The following NLGN4X variants were observed in gnomAD, a reference collection of about 807,000 sequenced individuals.
NLGN4X encodes the protein neuroligin-4, X-linked.
A neutral mutation model predicts 40.3 loss-of-function variants in NLGN4X; 3 were observed. The observed-to-expected ratio is 0.07, with a 90% CI of 0.03 to 0.19. The LOEUF is 0.19. Ranked by LOEUF, NLGN4X falls within the 10% of genes least tolerant of loss-of-function variation. The probability of loss-of-function intolerance (pLI) is 1.00; values close to 1 mark genes in which losing one functional copy is unlikely to be tolerated. For synonymous variants in NLGN4X, 270 were observed against 306.8 expected, an observed-to-expected ratio of 0.88 and a Z score of 1.25; for missense variants, 382 against 708.3, an observed-to-expected ratio of 0.54 and a Z score of 5.23.
At chrX:5,927,651 C>G (rs150668999) in intron 3 of NLGN4X, among the ~76,000 whole-genome samples, 1,840 of 112,109 alleles carry the variant, frequency 0.016, 47 homozygotes, top group African/African-American at 0.056. Context: ...TCTGCACAGG[C>G]ATTAGGACTC....
chrX:6,067,463 T>A (rs2037950504), intron 2 of NLGN4X, among the ~76,000 whole-genome samples: 2 of 111,216 alleles, frequency 1.8e-5, no homozygotes. Context: ...CACACAGACT[T>A]ATAATAAAGG....
At position 6,006,948 on chromosome X, in the gene NLGN4X, T is replaced by C. The variant is rs995803261; in HGVS notation, c.625+22332A>G. The stretch of plus-strand genomic sequence containing the variant: ...TTGGCCCAGCAATCCCACTTGTGGG[T>C]TTCTACTCAAAGGAAAAGAAATGGT... On this transcript the variant is annotated intron_variant, in intron 3 of 5. Transcript: ENST00000381095. Among the ~76,000 whole-genome samples the C allele has an allele frequency of 4.5e-5, 5 of 110,915 alleles. No homozygotes were observed. In the East Asian group the frequency reaches 1.4e-3, roughly 31 times the overall value.
intron 4 of NLGN4X, 53 bp from the exon 5 acceptor site, chrX:5,903,919 C>T (rs1303169501): frequency 8.5e-7 from 1 of 1,181,884 alleles, no homozygotes; most frequent in Non-Finnish European, 1.2e-6. Context: ...GACAGAAATG[C>T]AGCTTTTACT....
intron 3 of NLGN4X, among the ~76,000 whole-genome samples, chrX:5,947,525 G>A (rs769772330): frequency 9.8e-5 from 11 of 111,833 alleles, no homozygotes; most frequent in East Asian, 5.6e-4. Flanking sequence ...TGTCCAAGGC[G>A]TTCAAAGTCT....
chrX:6,013,843 C>CAA (rs1192510152), intron 3 of NLGN4X, among the ~76,000 whole-genome samples: 1 of 110,421 alleles, frequency 9.1e-6, no homozygotes, highest in African/African-American at 3.3e-5. Flanking sequence ...TCTGAGAGAG[C>CAA]AAAACCTCAT....
At chrX:6,154,004 T>C (rs1011070313) in intron 1 of NLGN4X, among the ~76,000 whole-genome samples, 28 of 112,498 alleles carry the variant, frequency 2.5e-4, no homozygotes, top group African/African-American at 8.7e-4. Flanking sequence ...TTGGCTAATT[T>C]GCACAAAATT....
chrX:6,103,814 T>A (rs2038975040), intron 2 of NLGN4X, among the ~76,000 whole-genome samples: 1 of 112,349 alleles, frequency 8.9e-6, no homozygotes, highest in Non-Finnish European at 1.9e-5. Context: ...ACATTAATAG[T>A]CACTAGTTCG....
intron 1 of NLGN4X, among the ~76,000 whole-genome samples, chrX:6,183,635 T>C (rs887271422): frequency 4.5e-5 from 5 of 112,247 alleles, no homozygotes; most frequent in East Asian, 2.8e-4. Context: ...AAAAACAAGA[T>C]GGCACTGCTG....
chrX:6,107,255 C>A (rs367917579), intron 2 of NLGN4X, among the ~76,000 whole-genome samples: 1 of 111,893 alleles, frequency 8.9e-6, no homozygotes, highest in African/African-American at 3.2e-5. Context: ...GCCAGCTTCA[C>A]GCAGGTGCAG....
chrX:5,946,775 A>C (rs949648270), intron 3 of NLGN4X, among the ~76,000 whole-genome samples: 2 of 110,770 alleles, frequency 1.8e-5, no homozygotes, highest in Non-Finnish European at 3.8e-5. Context: ...TTATTTCATG[A>C]CCCAGGTACT....
chrX:6,067,355 G>A (rs921492095), intron 2 of NLGN4X, among the ~76,000 whole-genome samples: 10 of 110,102 alleles, frequency 9.1e-5, no homozygotes, highest in Non-Finnish European at 1.3e-4. Flanking sequence ...CTCTTGCTTT[G>A]GTTTTTCTCT....
At position 6,085,356 on chromosome X, in the gene NLGN4X, G is replaced by T. The variant is rs894827579; in HGVS notation, c.473-55924C>A. ...GTAATCATTTTCTGGGTGATAAATC[G>T]TAGCTCCACACCATTGTCCTTCAGT... On this transcript the variant is annotated intron_variant, in intron 2 of 5. Coordinates refer to ENST00000381095, the MANE Select transcript of NLGN4X (RefSeq NM_181332.3). Among the ~76,000 whole-genome samples the T allele has an allele frequency of 6.3e-5, 7 of 111,596 alleles. No homozygotes were observed. In the Admixed American group the frequency reaches 6.7e-4, roughly 11 times the overall value.
intron 1 of NLGN4X, among the ~76,000 whole-genome samples, chrX:6,204,317 G>C (rs1388862112): frequency 9.0e-6 from 1 of 111,542 alleles, no homozygotes; most frequent in East Asian, 2.8e-4. Flanking sequence ...TAGCATTTGG[G>C]GGCCATGGGG....
In NLGN4X at chrX:6,151,536, G is replaced by T; in HGVS notation, c.-70C>A. 1.1e-6 allele frequency: 1 copy of T among 930,637 alleles called. No individual in the cohort carries two copies. 76.7% of individuals were successfully genotyped at this position (930,637 alleles called of 1,213,427 possible). A position where few individuals can be genotyped will look rare whatever the true frequency, so the allele number is the denominator to read the frequency against. ...CTCCAAGGAGACAAAGCCCAGAGGC[G>T]AGCCTGCAGAGAGATAGGGCTTTCC... On this transcript the variant is annotated 5_prime_UTR_variant, in exon 2 of 6. Coordinates refer to ENST00000381095, the MANE Select transcript of NLGN4X (RefSeq NM_181332.3).
At chrX:6,221,741 C>T (rs5916351) in intron 1 of NLGN4X, among the ~76,000 whole-genome samples, 32,699 of 109,645 alleles carry the variant, frequency 0.3, 4,105 homozygotes, top group Non-Finnish European at 0.38. Context: ...TTGCAGCGAG[C>T]TTCTTCTGCC....
At chrX:6,001,740 G>A (rs2035976436) in intron 3 of NLGN4X, among the ~76,000 whole-genome samples, 1 of 107,951 alleles carries the variant, frequency 9.3e-6, no homozygotes, top group Non-Finnish European at 1.9e-5. Flanking sequence ...ATCAAATCCT[G>A]CCCGAGCTCT....
chrX:6,061,022 C>A, intron 2 of NLGN4X, among the ~76,000 whole-genome samples: 1 of 112,271 alleles, frequency 8.9e-6, no homozygotes, highest in East Asian at 2.8e-4. Context: ...TCAGTTATAG[C>A]TAATTGACTT....
At chrX:6,193,512 T>C (rs1205483175) in intron 1 of NLGN4X, among the ~76,000 whole-genome samples, 1 of 92,801 alleles carries the variant, frequency 1.1e-5, no homozygotes, top group African/African-American at 4.5e-5. Flanking sequence ...AAGAAAAACA[T>C]ACCTCTCTCC....
At chrX:5,910,429 C>T (rs1052080017) in intron 3 of NLGN4X, among the ~76,000 whole-genome samples, 17 of 110,887 alleles carry the variant, frequency 1.5e-4, no homozygotes, top group Non-Finnish European at 3.0e-4. Flanking sequence ...AGAGCCATGT[C>T]ATTCACTCAT....
Sources: allele counts gnomAD v4.1 joint callset (sites outside exome capture counted in the v4.1 genomes callset), GRCh38; gene constraint gnomAD v4.1.1; transcripts MANE v1.5; gene names NCBI Gene and HGNC (gene_info 2026-07-23, HGNC 2026-07-21).